GMPS: variants seen among roughly 807,000 people sequenced by gnomAD.
GMPS encodes the protein GMP synthase [glutamine-hydrolyzing].
In GMPS, 15 loss-of-function variants were observed where a neutral mutation model predicts 77.9. That is an observed-to-expected ratio of 0.19 (90% CI 0.13 to 0.30). GMPS has a LOEUF of 0.30. Ranked by LOEUF, GMPS falls within the 10% of genes least tolerant of loss-of-function variation. GMPS has a pLI of 1.00. For synonymous variants in GMPS, 224 were observed against 275.9 expected (o/e 0.81, Z 1.86); for missense variants, 590 against 838.8 (o/e 0.70, Z 3.66).
rs1446584883 is a variant in GMPS at position 155,911,250 on chromosome 3, C to A, written c.857C>A (p.Ala286Asp). ...RKRESQSVEEALKKLGIQVKV... is the reference protein window; with the variant it reads ...RKRESQSVEEDLKKLGIQVKV... ...CGAGAAAGCCAGTCTGTTGAAGAGG[C>A]CCTCAAAAAGCTTGGAATTCAGGTC... The change falls in exon 7 of 16, where the codon GCC becomes GAC. Residue 286 changes from alanine (A) to aspartate (D), a missense_variant. Coordinates refer to ENST00000496455, the MANE Select transcript of GMPS (RefSeq NM_003875.3). 2 of 1,608,188 alleles carry A rather than the reference C, an allele frequency of 1.2e-6. No homozygotes were observed. Among genetic ancestry groups the A allele is most frequent in the African/African-American group, 2.7e-5 (2 of 74,706 alleles).
chr3:155,914,692 C>T (rs959017135), intron 8 of GMPS, 122 bp downstream of exon 8: 1 of 573,438 alleles, frequency 1.7e-6, no homozygotes, highest in Non-Finnish European at 2.9e-6. Context: ...TCTTATGTGG[C>T]TGAGAGTTTT....
intron 1 of GMPS, among the ~76,000 whole-genome samples, chr3:155,883,720 T>G (rs1460321352): frequency 1.3e-5 from 2 of 152,180 alleles, no homozygotes; most frequent in Non-Finnish European, 2.9e-5. Flanking sequence ...TAATTTTTGT[T>G]AAAATACTAG....
At chr3:155,888,654 C>T (rs13327285) in intron 1 of GMPS, among the ~76,000 whole-genome samples, 2,943 of 150,868 alleles carry the variant, frequency 0.02, 87 homozygotes, top group African/African-American at 0.067. Flanking sequence ...GGTGTGATCT[C>T]AGCTCGCTGC....
chr3:155,877,113 G>C (rs1377362954), intron 1 of GMPS, among the ~76,000 whole-genome samples: 1 of 152,124 alleles, frequency 6.6e-6, no homozygotes, highest in Non-Finnish European at 1.5e-5. Flanking sequence ...ATCCTATTAT[G>C]AATGTAAATT....
intron 1 of GMPS, among the ~76,000 whole-genome samples, chr3:155,878,374 G>A (rs1436520812): frequency 6.6e-6 from 1 of 152,144 alleles, no homozygotes; most frequent in African/African-American, 2.4e-5. Context: ...TCCATTGTAT[G>A]TATACCACCT....
At chr3:155,876,418 C>T (rs762138052) in intron 1 of GMPS, among the ~76,000 whole-genome samples, 13 of 152,130 alleles carry the variant, frequency 8.5e-5, no homozygotes, top group African/African-American at 4.8e-5. Context: ...TCAGACTGAA[C>T]GAGAAGTTAA....
chr3:155,931,682 T>TTTAA, intron 12 of GMPS, 83 bp from the exon 13 acceptor site: 1 of 515,366 alleles, frequency 1.9e-6, no homozygotes, highest in Non-Finnish European at 3.4e-6. Flanking sequence ...TCTTTTTTTT[T>TTTAA]TAAAAAAAAA....
intron 1 of GMPS, among the ~76,000 whole-genome samples, chr3:155,888,045 A>G (rs1196971709): frequency 6.6e-6 from 1 of 152,156 alleles, no homozygotes; most frequent in Admixed American, 6.5e-5. Context: ...GAAAAACCTC[A>G]GTAAAATTGA....
At chr3:155,918,801 C>T (rs938397074) in intron 9 of GMPS, among the ~76,000 whole-genome samples, 10 of 151,938 alleles carry the variant, frequency 6.6e-5, no homozygotes, top group Middle Eastern at 3.2e-3. Context: ...TGTAAATGTT[C>T]TTTATATATT....
chr3:155,925,489 C>T, intron 12 of GMPS, 123 bp downstream of exon 12: 1 of 614,428 alleles, frequency 1.6e-6, no homozygotes. Context: ...ATTGCAACCT[C>T]CGCCTCCTGG....
intron 5 of GMPS, among the ~76,000 whole-genome samples, chr3:155,909,029 C>T (rs1261095328): frequency 6.6e-6 from 1 of 152,006 alleles, no homozygotes; most frequent in Non-Finnish European, 1.5e-5. Flanking sequence ...AAGGAATAGA[C>T]AGTAAAATAA....
intron 1 of GMPS, among the ~76,000 whole-genome samples, chr3:155,881,477 T>C (rs1754206141): frequency 6.6e-6 from 1 of 152,110 alleles, no homozygotes; most frequent in African/African-American, 2.4e-5. Flanking sequence ...TGGCTTGATA[T>C]TAGTTTTTTA....
rs1754167220 is a variant in GMPS, at chr3:155,879,809, C to T, written c.27+8912C>T. Among the ~76,000 whole-genome samples, 3 of 147,232 alleles carry T rather than the reference C, an allele frequency of 2.0e-5. No individual in the cohort carries two copies. In the Admixed American group the frequency reaches 2.1e-4, roughly 10 times the overall value. On this transcript the variant is annotated intron_variant, in intron 1 of 15. Coordinates refer to ENST00000496455, the MANE Select transcript of GMPS (RefSeq NM_003875.3). ...GCAGTGGTGTGATCTCAGCTCACTG[C>T]AACCTCCACCTCCTGGGTTCAAGCA...
chr3:155,886,247 T>TA (rs1754332623), intron 1 of GMPS, among the ~76,000 whole-genome samples: 1 of 151,960 alleles, frequency 6.6e-6, no homozygotes, highest in African/African-American at 2.4e-5. Flanking sequence ...ACAGAATACA[T>TA]AGAGAAATGG....
intron 1 of GMPS, among the ~76,000 whole-genome samples, chr3:155,876,609 C>T (rs1314982431): frequency 6.6e-6 from 1 of 152,140 alleles, no homozygotes; most frequent in Non-Finnish European, 1.5e-5. Context: ...GGTGGGATAT[C>T]GGACTAACAG....
Position 155,928,980 on chromosome 3 carries a change from A to G in GMPS, c.1561-2785A>G, listed in dbSNP as rs891019955. ...GTTCCAAGTCTTTGCTATTGTGAATAATGCCGCAATAAACATATGTGTGCA... is the reference window on the plus strand; with the variant it reads ...GTTCCAAGTCTTTGCTATTGTGAATGATGCCGCAATAAACATATGTGTGCA... On this transcript the variant is annotated intron_variant, in intron 12 of 15. Coordinates refer to ENST00000496455, the MANE Select transcript of GMPS (RefSeq NM_003875.3). Among the ~76,000 whole-genome samples the G allele has an allele frequency of 1.9e-4, 28 of 150,850 alleles. 1 individual carries two copies. The highest frequency in any genetic ancestry group is 1.5e-5 in the Non-Finnish European group (1 of 67,366).
intron 9 of GMPS, 21 bp downstream of exon 9, chr3:155,916,213 T>G: frequency 2.6e-6 from 4 of 1,519,002 alleles, no homozygotes; most frequent in Non-Finnish European, 3.6e-6. Flanking sequence ...ATGAAAACTT[T>G]TTCATAAAGT....
chr3:155,896,803 C>G (rs1386842755), intron 2 of GMPS, among the ~76,000 whole-genome samples: 1 of 145,708 alleles, frequency 6.9e-6, no homozygotes, highest in Non-Finnish European at 1.5e-5. Context: ...ATAAATCTAG[C>G]AATATACTTT....
intron 2 of GMPS, among the ~76,000 whole-genome samples, chr3:155,894,312 C>T (rs897828410): frequency 5.9e-5 from 9 of 152,190 alleles, no homozygotes; most frequent in Non-Finnish European, 1.0e-4. Context: ...CAACCTCCAC[C>T]TCCCAGGTTC....
Sources: gnomAD v4.1 joint callset for allele counts (sites outside exome capture counted in the v4.1 genomes callset) on GRCh38, gnomAD v4.1.1 for gene constraint, MANE v1.5 for transcripts, NCBI Gene and HGNC (gene_info 2026-07-23, HGNC 2026-07-21) for gene names.